Variants in DUSP11 observed in about 807,000 individuals in gnomAD.
DUSP11 encodes the protein dual specificity phosphatase 11.
DUSP11 carries 27 observed loss-of-function variants against 41.4 expected under a neutral mutation model. The observed-to-expected ratio is 0.65, with a 90% CI of 0.48 to 0.90. The LOEUF (loss-of-function observed/expected upper bound fraction) is 0.90. Ranked by LOEUF, DUSP11 falls within the 40% of genes least tolerant of loss-of-function variation. The probability of loss-of-function intolerance (pLI) is 0.00; values close to 1 mark genes in which losing one functional copy is unlikely to be tolerated. For missense variants in DUSP11, 465 were observed against 461.1 expected (o/e 1.01, Z -0.08); for synonymous variants, 188 against 159.3 (o/e 1.18, Z -1.35).
Position 73,766,986 on chromosome 2 carries a change from T to G in DUSP11, c.683-83A>C. On this transcript the variant is annotated intron_variant, in intron 6 of 8. Coordinates refer to ENST00000272444, the Ensembl canonical transcript of DUSP11. ...AAGCAAATTAAGCTGAAATTCACTA[T>G]TCAAGCTGTTATATCTCACTACTTC... 4 of 1,340,588 alleles carry G rather than the reference T, an allele frequency of 3.0e-6. No homozygotes were observed. In the South Asian group the frequency reaches 4.8e-5, roughly 16 times the overall value. 83.0% of individuals were successfully genotyped at this position (1,340,588 alleles called of 1,614,324 possible). A position where few individuals can be genotyped will look rare whatever the true frequency, so the allele number is the denominator to read the frequency against.
rs1392670089 is a variant in DUSP11, at chr2:73,780,066, A to G, written c.50T>C (p.Phe17Ser). The G allele has an allele frequency of 1.2e-6, 2 of 1,602,574 alleles. No individual in the cohort carries two copies. The highest frequency in any genetic ancestry group is 2.7e-5 in the African/African-American group (2 of 74,704). The stretch of plus-strand genomic sequence containing the variant: ...GCCAGGATAAGACCCTAAACAGGAA[A>G]AGACTCGGCAGCCACCTACGCCGCG... Residue 17 changes from phenylalanine to serine, a missense_variant, in exon 1 of 9, where the codon TTT becomes TCT. By Grantham distance (155) the Phe-to-Ser change is radical. Transcript: ENST00000272444.
chr2:73,780,056 T>C (rs758998308), exon 1 of DUSP11: 2 of 1,610,692 alleles, frequency 1.2e-6, no homozygotes, highest in Admixed American at 1.7e-5. Context: ...GATAAGACCC[T>C]AAACAGGAAA....
chr2:73,765,977 A>G (rs970890240), intron 8 of DUSP11, among the ~76,000 whole-genome samples: 6 of 152,200 alleles, frequency 3.9e-5, no homozygotes, highest in African/African-American at 1.2e-4. Context: ...TGCAAAATAC[A>G]GAGCAGAATA....
chr2:73,776,608 C>T (rs1337534640), intron 2 of DUSP11, among the ~76,000 whole-genome samples: 1 of 152,010 alleles, frequency 6.6e-6, no homozygotes, highest in African/African-American at 2.4e-5. Context: ...ATCGTTATCA[C>T]CAAAGTCTAG....
At chr2:73,772,353 G>C (rs2103940730) in intron 4 of DUSP11, among the ~76,000 whole-genome samples, 1 of 152,232 alleles carries the variant, frequency 6.6e-6, no homozygotes, top group Non-Finnish European at 1.5e-5. Context: ...TCTGTGGGAA[G>C]GGATTATAGC....
chr2:73,778,927 C>CT (rs2103952835), intron 1 of DUSP11, among the ~76,000 whole-genome samples: 1 of 152,198 alleles, frequency 6.6e-6, no homozygotes, highest in Admixed American at 6.5e-5. Flanking sequence ...GCAGGTGGAT[C>CT]ACCTGAGGTC....
chr2:73,775,293 C>T (rs1672657382), intron 2 of DUSP11, among the ~76,000 whole-genome samples: 1 of 151,936 alleles, frequency 6.6e-6, no homozygotes, highest in Non-Finnish European at 1.5e-5. Context: ...CTGTAATCTC[C>T]CAGATTTTAT....
At chr2:73,763,458 T>G (rs1672399442) in intron 8 of DUSP11, among the ~76,000 whole-genome samples, 1 of 152,206 alleles carries the variant, frequency 6.6e-6, no homozygotes, top group South Asian at 2.1e-4. Context: ...GCGTGGTGGC[T>G]CGCACTTGTA....
chr2:73,762,883 A>T (rs1276640413), intron 8 of DUSP11, 24 bp from the exon 9 acceptor site: 2 of 1,264,044 alleles, frequency 1.6e-6, no homozygotes, highest in South Asian at 2.8e-5. Context: ...AAAAAGTAAT[A>T]AGCCATTACT....
Position 73,778,378 on chromosome 2 carries a change from T to C in DUSP11, c.243-2A>G. On this transcript the variant is annotated splice_acceptor_variant, in intron 1 of 8. Coordinates refer to ENST00000272444, the Ensembl canonical transcript of DUSP11. LOFTEE classifies it high-confidence loss of function. ...CCAACTGGGAGATAGTCTTTCCACC[T>C]ATTAGATATATTTTTTGTTAGCCAA... is the stretch of plus-strand genomic sequence containing the variant. 1.3e-6 allele frequency: 2 copies of C among 1,509,776 alleles called. No individual in the cohort carries two copies. Among genetic ancestry groups the C allele is most frequent in the East Asian group, 2.6e-5 (1 of 38,928 alleles). The allele number at this position is 1,509,776 out of a possible 1,614,324, so 93.5% of individuals were successfully genotyped here.
chr2:73,766,838 G>A, exon 7 of DUSP11: 1 of 1,611,730 alleles, frequency 6.2e-7, no homozygotes, highest in South Asian at 1.1e-5. Flanking sequence ...TTTCTGATAG[G>A]ACCATTCTGA....
In DUSP11 at chr2:73,778,297, T is replaced by G; in HGVS notation, c.318+4A>C. ...GAAAGAATACTGAATTAACTTTTGC[T>G]TACCTTTTGCAAAGGAACTTTGAAA... On this transcript the variant is annotated splice_donor_region_variant and intron_variant, in intron 2 of 8. Transcript: ENST00000272444. The G allele has an allele frequency of 2.5e-6, 4 of 1,573,288 alleles. No individual in the cohort carries two copies. In the South Asian group the frequency reaches 4.8e-5, roughly 19 times the overall value.
At chr2:73,773,566 A>G (rs2103942928) in intron 4 of DUSP11, 1 of 436,398 alleles carries the variant, frequency 2.3e-6, no homozygotes, top group East Asian at 4.8e-5. Flanking sequence ...TAAAAAAGAA[A>G]GATGAGCCAG....
chr2:73,767,468 A>C, intron 5 of DUSP11: 1 of 326,726 alleles, frequency 3.1e-6, no homozygotes, highest in Non-Finnish European at 5.4e-6. Context: ...AAAAGGAAAG[A>C]AAATGCAGAA....
chr2:73,772,598 GA>G (rs1252743379), intron 4 of DUSP11, among the ~76,000 whole-genome samples: 1 of 152,194 alleles, frequency 6.6e-6, no homozygotes, highest in African/African-American at 2.4e-5. Context: ...AAATTTCACA[GA>G]AAAGAGCCTG....
chr2:73,769,091 G>T, intron 5 of DUSP11, 174 bp downstream of exon 5: 1 of 539,136 alleles, frequency 1.9e-6, no homozygotes, highest in Non-Finnish European at 3.3e-6. Flanking sequence ...TGCATTTTTA[G>T]AGTCTGAAAA....
At chr2:73,768,622 G>C (rs1304818731) in intron 5 of DUSP11, 8 of 985,082 alleles carry the variant, frequency 8.1e-6, no homozygotes, top group African/African-American at 1.7e-5. Context: ...TCTGACTTTT[G>C]TGTTCATCGG....
At chr2:73,778,024 T>C (rs1573186336) in intron 2 of DUSP11, among the ~76,000 whole-genome samples, 2 of 152,066 alleles carry the variant, frequency 1.3e-5, no homozygotes, top group East Asian at 1.9e-4. Context: ...TCTTTTAATG[T>C]AGTCATGTCC....
intron 3 of DUSP11, 95 bp from the exon 4 acceptor site, chr2:73,774,018 A>G (rs1672634133): frequency 6.4e-6 from 7 of 1,101,998 alleles, no homozygotes; most frequent in Non-Finnish European, 8.8e-6. Flanking sequence ...CCAAGAGATT[A>G]TAACAAACTT....
Sources: allele counts gnomAD v4.1 joint callset (sites outside exome capture counted in the v4.1 genomes callset), GRCh38; gene constraint gnomAD v4.1.1; transcripts MANE v1.5; gene names NCBI Gene and HGNC (gene_info 2026-07-23, HGNC 2026-07-21).